The following ABCC9 variants were observed in gnomAD, a reference collection of about 807,000 sequenced individuals.
ABCC9 encodes ATP-binding cassette sub-family C member 9.
ABCC9 carries 95 observed loss-of-function variants against 188.3 expected under a neutral mutation model. That is an observed-to-expected ratio of 0.50 (90% CI 0.43 to 0.60). ABCC9 has a LOEUF of 0.60. Among genes scored for constraint, ABCC9 ranks in the 20% least tolerant of loss-of-function variants. The probability of loss-of-function intolerance (pLI) is 0.00; values close to 1 mark genes in which losing one functional copy is unlikely to be tolerated. For synonymous variants in ABCC9, 659 were observed against 652.7 expected, an observed-to-expected ratio of 1.01 and a Z score of -0.15; for missense variants, 1,102 against 1,876.3, an observed-to-expected ratio of 0.59 and a Z score of 7.62.
At chr12:21,815,989 A>G (rs1942589273) in intron 33 of ABCC9, 96 bp from the exon 34 acceptor site, 1 of 645,496 alleles carries the variant, frequency 1.5e-6, no homozygotes, top group Non-Finnish European at 2.1e-6. Context: ...ATACATATAT[A>G]TATATTTTTC....
chr12:21,918,112 G>C (rs929347874), intron 5 of ABCC9, among the ~76,000 whole-genome samples: 4 of 151,846 alleles, frequency 2.6e-5, no homozygotes, highest in Non-Finnish European at 5.9e-5. Flanking sequence ...AAGTAGATGG[G>C]AAAGATATAC....
intron 24 of ABCC9, among the ~76,000 whole-genome samples, chr12:21,849,330 A>G (rs1247458164): frequency 6.6e-6 from 1 of 152,178 alleles, no homozygotes; most frequent in South Asian, 2.1e-4. Context: ...GGGTTGTACT[A>G]CTTCAGATTC....
At chr12:21,918,295 A>T (rs904293016) in intron 5 of ABCC9, among the ~76,000 whole-genome samples, 6 of 152,124 alleles carry the variant, frequency 3.9e-5, no homozygotes, top group Non-Finnish European at 8.8e-5. Flanking sequence ...GATTTAGAAG[A>T]TGTATTAGAA....
chr12:21,860,825 C>T, intron 21 of ABCC9, 146 bp downstream of exon 21: 1 of 669,574 alleles, frequency 1.5e-6, no homozygotes, highest in South Asian at 1.7e-5. Flanking sequence ...AAAGGACTCC[C>T]ATCCTTGGTT....
chr12:21,851,995 A>G (rs1389168482), intron 24 of ABCC9, 102 bp downstream of exon 24: 3 of 1,334,608 alleles, frequency 2.2e-6, no homozygotes, highest in East Asian at 4.9e-5. Flanking sequence ...ATTATATTAC[A>G]AAGTATTAAA....
intron 12 of ABCC9, among the ~76,000 whole-genome samples, chr12:21,902,754 TCCCTGAATAGACCAATAACAGG>T (rs1304020531): frequency 1.3e-5 from 2 of 152,098 alleles, no homozygotes; most frequent in Non-Finnish European, 2.9e-5. Context: ...AGAAGTTGAA[TCCCTGAATAGACCAATAACAGG>T]CTCTGAAATG....
chr12:21,853,249 G>T (rs1229806668), intron 22 of ABCC9, among the ~76,000 whole-genome samples: 1 of 152,114 alleles, frequency 6.6e-6, no homozygotes, highest in Admixed American at 6.5e-5. Flanking sequence ...AGGAGGAAGA[G>T]GTTCCTGGAG....
In ABCC9 at chr12:21,917,114, A is replaced by G; in HGVS notation, c.407-11T>C. 2 of 1,613,062 alleles carry G rather than the reference A, an allele frequency of 1.2e-6. No individual in the cohort carries two copies. Among genetic ancestry groups the G allele is most frequent in the Non-Finnish European group, 1.7e-6 (2 of 1,179,206 alleles). The stretch of plus-strand genomic sequence containing the variant: ...AATACAGGAACAGGGCTGAAAAGAA[A>G]AAGACAAAAAGAGAAAGATGCAATC... On this transcript the variant is annotated splice_polypyrimidine_tract_variant and intron_variant, in intron 5 of 39. Coordinates refer to ENST00000261200, the MANE Select transcript of ABCC9 (RefSeq NM_020297.4).
chr12:21,882,805 C>T lies in ABCC9; in HGVS notation c.1980G>A (p.Arg660=), dbSNP rs2137655267. ...YHLDSYEQST[R]RLRPAETEDI... ...CCTCTGTTTCTGCGGGACGTAGACG[C>T]CGTGTTGATTGCTCATAGCTGTCCA... is the stretch of plus-strand genomic sequence containing the variant. The change falls in exon 16 of 40, where the codon CGG becomes CGA. Residue 660 remains arginine, a synonymous_variant. Transcript: ENST00000261200. 1.9e-6 allele frequency: 3 copies of T among 1,613,986 alleles called. No individual in the cohort carries two copies. The highest frequency in any genetic ancestry group is 2.5e-6 in the Non-Finnish European group (3 of 1,179,932).
intron 31 of ABCC9, among the ~76,000 whole-genome samples, chr12:21,822,609 C>T (rs2137229050): frequency 6.6e-6 from 1 of 150,680 alleles, no homozygotes; most frequent in Non-Finnish European, 1.5e-5. Context: ...ACCATCCTGG[C>T]TAACACAGTG....
At chr12:21,921,309 T>C (rs1246704120) in intron 5 of ABCC9, among the ~76,000 whole-genome samples, 1 of 152,120 alleles carries the variant, frequency 6.6e-6, no homozygotes, top group Non-Finnish European at 1.5e-5. Context: ...GATAAGCATT[T>C]CTCCGATGAT....
chr12:21,897,849 T>C (rs1947500308), intron 12 of ABCC9, among the ~76,000 whole-genome samples: 1 of 38,560 alleles, frequency 2.6e-5, no homozygotes, highest in African/African-American at 1.1e-4. Context: ...CCCTCTCTCT[T>C]CTTGTATTTG....
chr12:21,852,342 A>C (rs752099811), intron 23 of ABCC9, 26 bp downstream of exon 23: 1 of 1,613,730 alleles, frequency 6.2e-7, no homozygotes, highest in Non-Finnish European at 8.5e-7. Flanking sequence ...TATAAAAATG[A>C]GCAAAATTCT....
intron 31 of ABCC9, among the ~76,000 whole-genome samples, chr12:21,821,502 G>T (rs1190708554): frequency 1.3e-5 from 2 of 151,918 alleles, no homozygotes; most frequent in African/African-American, 2.4e-5. Context: ...AACAGATTTG[G>T]ACAAAATAGA....
intron 31 of ABCC9, among the ~76,000 whole-genome samples, chr12:21,818,848 A>G (rs1942851287): frequency 6.6e-6 from 1 of 151,942 alleles, no homozygotes; most frequent in African/African-American, 2.4e-5. Context: ...TGCAACAGTA[A>G]TAGCAAAACC....
At position 21,899,486 on chromosome 12, in the gene ABCC9, C is replaced by T. The variant is rs1394251054; in HGVS notation, c.1619-4171G>A. Among the ~76,000 whole-genome samples the T allele has an allele frequency of 4.6e-5, 7 of 152,012 alleles. No individual in the cohort carries two copies. The East Asian group carries it at 7.7e-4, about 17-fold the overall frequency. On this transcript the variant is annotated intron_variant, in intron 12 of 39. Coordinates refer to ENST00000261200, the MANE Select transcript of ABCC9 (RefSeq NM_020297.4). Reference sequence around the variant, plus strand: ...GTGCAGGACAGTGGGTGCAGCCCACCGAGCATGAGCCAAAGCAGGGCGAGG... The same window carrying T: ...GTGCAGGACAGTGGGTGCAGCCCACTGAGCATGAGCCAAAGCAGGGCGAGG...
At chr12:21,892,353 T>C (rs1282096383) in intron 14 of ABCC9, among the ~76,000 whole-genome samples, 1 of 152,214 alleles carries the variant, frequency 6.6e-6, no homozygotes, top group African/African-American at 2.4e-5. Flanking sequence ...TCAACTGCTT[T>C]TCTATCTCCA....
intron 31 of ABCC9, among the ~76,000 whole-genome samples, chr12:21,821,283 C>T (rs993440933): frequency 3.9e-5 from 6 of 152,122 alleles, no homozygotes; most frequent in Non-Finnish European, 8.8e-5. Context: ...ACTCCCATGT[C>T]CATTTAGAAC....
intron 15 of ABCC9, among the ~76,000 whole-genome samples, chr12:21,887,212 A>G (rs1946920257): frequency 6.6e-6 from 1 of 152,200 alleles, no homozygotes; most frequent in African/African-American, 2.4e-5. Flanking sequence ...AATATTGACT[A>G]TGTTTCTAGA....
Sources: allele counts gnomAD v4.1 joint callset (sites outside exome capture counted in the v4.1 genomes callset), GRCh38; gene constraint gnomAD v4.1.1; transcripts MANE v1.5; gene names NCBI Gene and HGNC (gene_info 2026-07-23, HGNC 2026-07-21).